Variants in LUZP1 observed in about 807,000 individuals in gnomAD.
LUZP1 encodes the protein leucine zipper protein 1, also known as filamin mechanobinding actin cross-linking protein.
LUZP1 carries 25 observed loss-of-function variants against 71.3 expected under a neutral mutation model. That is an observed-to-expected ratio of 0.35 (90% confidence interval 0.26 to 0.49). The LOEUF (loss-of-function observed/expected upper bound fraction) is 0.49. Ranked by LOEUF, LUZP1 falls within the 20% of genes least tolerant of loss-of-function variation. The pLI is 0.99. For synonymous variants in LUZP1, 481 were observed against 506.4 expected, an observed-to-expected ratio of 0.95 and a Z score of 0.67; for missense variants, 1,142 against 1,300.8, an observed-to-expected ratio of 0.88 and a Z score of 1.88.
exon 4 of LUZP1, chr1:23,092,785 T>C: frequency 6.2e-7 from 1 of 1,613,806 alleles, no homozygotes. Flanking sequence ...GTGCCTGGCT[T>C]GGAAGTCCCC....
intron 2 of LUZP1, among the ~76,000 whole-genome samples, chr1:23,155,614 A>G (rs140017369): frequency 1.1e-4 from 16 of 152,366 alleles, no homozygotes; most frequent in African/African-American, 3.8e-4. Flanking sequence ...TGGTTTCATC[A>G]TTAGTCCTCA....
chr1:23,164,063 A>G (rs1291288367), intron 2 of LUZP1: 2 of 152,148 alleles, frequency 1.3e-5, no homozygotes, highest in African/African-American at 2.4e-5. Flanking sequence ...AGTAGATCTA[A>G]AGGGTTATTT....
chr1:23,103,465 G>C (rs1314949926), intron 3 of LUZP1, among the ~76,000 whole-genome samples: 1 of 152,086 alleles, frequency 6.6e-6, no homozygotes, highest in Non-Finnish European at 1.5e-5. Context: ...AAAGGATTTA[G>C]AGATCATCTA....
chr1:23,167,488 G>A (rs1300521097), intron 2 of LUZP1, among the ~76,000 whole-genome samples: 1 of 95,518 alleles, frequency 1.0e-5, no homozygotes, highest in African/African-American at 1.0e-4. Context: ...TGCGACGGTG[G>A]AGCTGCAGGC....
At chr1:23,150,062 T>C (rs537875259) in intron 2 of LUZP1, among the ~76,000 whole-genome samples, 1 of 150,708 alleles carries the variant, frequency 6.6e-6, no homozygotes, top group Non-Finnish European at 1.5e-5. Flanking sequence ...TGTTTTAGGA[T>C]AGACAAGACC....
At chr1:23,089,642 G>C (rs1464083130) in intron 4 of LUZP1, among the ~76,000 whole-genome samples, 1 of 152,070 alleles carries the variant, frequency 6.6e-6, no homozygotes, top group African/African-American at 2.4e-5. Context: ...TCCCGGGCTG[G>C]AGTGCAGTGG....
chr1:23,115,445 T>C (rs754626329), intron 2 of LUZP1, among the ~76,000 whole-genome samples: 1 of 152,220 alleles, frequency 6.6e-6, no homozygotes, highest in Non-Finnish European at 1.5e-5. Flanking sequence ...AGAACTTTTG[T>C]GCACTTTGGG....
intron 3 of LUZP1, among the ~76,000 whole-genome samples, chr1:23,101,676 A>G (rs932004207): frequency 2.6e-5 from 4 of 152,208 alleles, no homozygotes; most frequent in African/African-American, 9.6e-5. Context: ...ACAAGGAACT[A>G]GACTGAAAAT....
chr1:23,135,100 C>T (rs1013481833), intron 2 of LUZP1, among the ~76,000 whole-genome samples: 1 of 152,154 alleles, frequency 6.6e-6, no homozygotes, highest in African/African-American at 2.4e-5. Context: ...AAACAAATAC[C>T]AATCCACAAT....
At chr1:23,102,794 T>C (rs1569571990) in intron 3 of LUZP1, among the ~76,000 whole-genome samples, 2 of 152,330 alleles carry the variant, frequency 1.3e-5, no homozygotes, top group Middle Eastern at 3.4e-3. Flanking sequence ...ACCCTGTCTC[T>C]ACTTAAATAA....
At chr1:23,154,709 A>ATTTTTTTTTTTTTT (rs1191570803) in intron 2 of LUZP1, among the ~76,000 whole-genome samples, 1 of 125,632 alleles carries the variant, frequency 8.0e-6, no homozygotes, top group African/African-American at 3.1e-5. Flanking sequence ...CACCTGGCTA[A>ATTTTTTTTTTTTTT]TTTTTTTTTT....
intron 4 of LUZP1, among the ~76,000 whole-genome samples, chr1:23,089,980 G>C (rs1008853690): frequency 2.6e-5 from 4 of 152,124 alleles, no homozygotes; most frequent in African/African-American, 9.7e-5. Context: ...GGCTGGTCTT[G>C]AACTCCTGAC....
At chr1:23,155,960 C>T (rs1052797566) in intron 2 of LUZP1, among the ~76,000 whole-genome samples, 2 of 152,178 alleles carry the variant, frequency 1.3e-5, no homozygotes, top group African/African-American at 4.8e-5. Flanking sequence ...CAACAGTTAA[C>T]GTTACCAGTT....
chr1:23,099,980 C>G (rs1643918426), intron 3 of LUZP1, among the ~76,000 whole-genome samples: 1 of 152,160 alleles, frequency 6.6e-6, no homozygotes, highest in East Asian at 1.9e-4. Flanking sequence ...TCTTCAGATC[C>G]CACTTTAGAC....
Position 23,093,460 on chromosome 1 carries a change from C to G in LUZP1, c.802G>C (p.Glu268Gln). 6.2e-7 allele frequency: 1 copy of G among 1,613,312 alleles called. No homozygotes were observed. Among genetic ancestry groups the G allele is most frequent in the Non-Finnish European group, 8.5e-7 (1 of 1,179,848 alleles). ...TCTGATTTGTTTCTTGTTTCATTCT[C>G]TACCTGCTTTAGGTAGTCCAGACCA... Residue 268 changes from glutamate to glutamine, a missense_variant, in exon 4 of 5, where the codon GAG (glutamate) becomes CAG (glutamine). Physicochemically the swap from Glu to Gln is conservative, Grantham distance 29. Coordinates refer to ENST00000302291, the Ensembl canonical transcript of LUZP1. The surrounding 1 kb of genome is among the most constrained non-coding windows in gnomAD (Gnocchi z 4.2).
chr1:23,144,874 G>A (rs1644330166), intron 2 of LUZP1, among the ~76,000 whole-genome samples: 1 of 151,908 alleles, frequency 6.6e-6, no homozygotes, highest in South Asian at 2.1e-4. Flanking sequence ...TTTTCATTTT[G>A]GTGGGGGTTT....
intron 2 of LUZP1, among the ~76,000 whole-genome samples, chr1:23,132,611 T>C (rs1390890233): frequency 1.3e-5 from 2 of 152,178 alleles, no homozygotes; most frequent in Middle Eastern, 3.4e-3. Flanking sequence ...GTGATAATGG[T>C]ATGGTGGTTA....
chr1:23,105,084 G>A (rs1460397846), intron 3 of LUZP1, among the ~76,000 whole-genome samples: 1 of 152,238 alleles, frequency 6.6e-6, no homozygotes, highest in Non-Finnish European at 1.5e-5. Flanking sequence ...AAGGGATTAA[G>A]TAAGAGAGTA....
At chr1:23,133,706 T>C (rs1644231953) in intron 2 of LUZP1, 1 of 151,990 alleles carries the variant, frequency 6.6e-6, no homozygotes, top group South Asian at 2.1e-4. Flanking sequence ...GAGGCTGCAG[T>C]GAGCCGAGAT....
Sources: allele counts gnomAD v4.1 joint callset (sites outside exome capture counted in the v4.1 genomes callset), GRCh38; gene constraint gnomAD v4.1.1; non-coding constraint Gnocchi (gnomAD v3.1); transcripts MANE v1.5; gene names NCBI Gene and HGNC (gene_info 2026-07-23, HGNC 2026-07-21).